Variants in ANK2 observed in about 807,000 individuals in gnomAD.
ANK2 encodes the protein ankyrin-2.
In ANK2, 83 loss-of-function variants were observed where a neutral mutation model predicts 360.5. The observed-to-expected ratio is 0.23, with a 90% CI of 0.19 to 0.28. The LOEUF is 0.28. Ranked by LOEUF, ANK2 falls within the 10% of genes least tolerant of loss-of-function variation. ANK2 has a pLI of 1.00. For missense variants in ANK2, 4,201 were observed against 4,795.7 expected (o/e 0.88, Z 3.66); for synonymous variants, 1,740 against 1,759.5 (o/e 0.99, Z 0.28).
At chr4:113,059,292 G>C (rs1425912598) in intron 1 of ANK2, among the ~76,000 whole-genome samples, 1 of 152,116 alleles carries the variant, frequency 6.6e-6, no homozygotes, top group Non-Finnish European at 1.5e-5. Context: ...AGTATTTTCT[G>C]TAAAGTTGAC....
chr4:112,914,043 G>T (rs946512385), intron 2 of ANK2, among the ~76,000 whole-genome samples: 3 of 151,956 alleles, frequency 2.0e-5, no homozygotes, highest in Admixed American at 2.0e-4. Flanking sequence ...TTTCTTTTCA[G>T]GTAGATTTTT....
chr4:113,151,352 T>C (rs1361439211), intron 1 of ANK2: 2 of 321,264 alleles, frequency 6.2e-6, no homozygotes, highest in Non-Finnish European at 1.2e-5. Context: ...CAAGAAGCAT[T>C]GCACCAGCAT....
chr4:112,870,344 G>A (rs952605755), intron 1 of ANK2, among the ~76,000 whole-genome samples: 6 of 152,308 alleles, frequency 3.9e-5, no homozygotes, highest in Admixed American at 2.6e-4. Context: ...TACAATGCTT[G>A]CACCTTTGGT....
chr4:113,318,131 G>C (rs1311627895), intron 25 of ANK2, among the ~76,000 whole-genome samples: 3 of 152,128 alleles, frequency 2.0e-5, no homozygotes, highest in Admixed American at 2.0e-4. Flanking sequence ...TGCATTTAAG[G>C]TATAAGATGA....
Position 113,357,701 on chromosome 4 carries a change from A to G in ANK2, c.9083A>G (p.Glu3028Gly). ...TCCGCTACAACAACAGTTGTTGGTG[A>G]ACAAATAAGCAAAGTCATCATCACA... ...TMSATTTVVGEQISKVIITKT... is the reference protein window; with the variant it reads ...TMSATTTVVGGQISKVIITKT... The change falls in exon 38 of 46, where the codon GAA (glutamate) becomes GGA (glycine). Residue 3028 changes from glutamate (E) to glycine (G), a missense_variant. Around this residue, in one of 4 missense-constraint regions of ANK2, gnomAD observed 2,642 missense variants for 2,714.5 expected, o/e 0.97. Transcript: ENST00000357077. 6.2e-7 allele frequency: 1 copy of G among 1,614,130 alleles called. No homozygotes were observed. Among genetic ancestry groups the G allele is most frequent in the Non-Finnish European group, 8.5e-7 (1 of 1,179,990 alleles).
intron 9 of ANK2, among the ~76,000 whole-genome samples, chr4:113,248,177 A>T (rs1286845581): frequency 6.6e-6 from 1 of 152,216 alleles, no homozygotes; most frequent in Non-Finnish European, 1.5e-5. Flanking sequence ...TTATCAGTCA[A>T]GGTCCTAGCC....
chr4:113,359,744 A>G (rs973962236), intron 38 of ANK2, among the ~76,000 whole-genome samples: 18 of 152,174 alleles, frequency 1.2e-4, no homozygotes, highest in African/African-American at 3.6e-4. Flanking sequence ...TTTTGTAATC[A>G]TTAGGAAGCC....
chr4:113,274,102 T>C (rs941326452), intron 14 of ANK2, among the ~76,000 whole-genome samples: 11 of 152,192 alleles, frequency 7.2e-5, no homozygotes, highest in African/African-American at 2.7e-4. Flanking sequence ...GATGAGAATA[T>C]AGGTCCTAGG....
intron 1 of ANK2, among the ~76,000 whole-genome samples, chr4:113,171,541 CA>C (rs1341338098): frequency 6.6e-6 from 1 of 152,004 alleles, no homozygotes; most frequent in Non-Finnish European, 1.5e-5. Flanking sequence ...TGGGGGAAAC[CA>C]AATCCCTTAA....
intron 35 of ANK2, 142 bp downstream of exon 35, chr4:113,346,164 A>T: frequency 3.0e-6 from 3 of 986,412 alleles, no homozygotes; most frequent in Non-Finnish European, 4.6e-6. Flanking sequence ...ACAAAGACTG[A>T]TTGAAAGCAT....
chr4:112,931,243 A>C (rs1267848506), intron 2 of ANK2, among the ~76,000 whole-genome samples: 2 of 152,100 alleles, frequency 1.3e-5, no homozygotes, highest in Non-Finnish European at 2.9e-5. Context: ...AGGGCCGTGG[A>C]GACCGGAGTC....
Position 113,100,081 on chromosome 4 carries a change from C to G in ANK2, c.84+50269C>G, listed in dbSNP as rs570428034. Among the ~76,000 whole-genome samples, 11 of 151,992 alleles carry G rather than the reference C, an allele frequency of 7.2e-5. No individual in the cohort carries two copies. In the East Asian group the frequency reaches 2.1e-3, roughly 29 times the overall value. On this transcript the variant is annotated intron_variant, in intron 1 of 45. Coordinates refer to ENST00000357077, the MANE Select transcript of ANK2 (RefSeq NM_001148.6). Reference sequence around the variant, plus strand: ...GGGTTTGATGATGAGTTTTTAGATACAGTACCAAAAGGATGATTCAGGAAA... The same window carrying G: ...GGGTTTGATGATGAGTTTTTAGATAGAGTACCAAAAGGATGATTCAGGAAA...
chr4:113,077,791 G>T (rs1381844414), intron 1 of ANK2, among the ~76,000 whole-genome samples: 1 of 152,206 alleles, frequency 6.6e-6, no homozygotes, highest in African/African-American at 2.4e-5. Flanking sequence ...CCAGCAGCTG[G>T]CCTCCATGCT....
chr4:113,104,630 G>A (rs762462574), intron 1 of ANK2, among the ~76,000 whole-genome samples: 32 of 152,118 alleles, frequency 2.1e-4, no homozygotes, highest in Non-Finnish European at 4.0e-4. Flanking sequence ...CACGAGAATC[G>A]CTTGAACCCA....
intron 2 of ANK2, among the ~76,000 whole-genome samples, chr4:112,972,810 A>G (rs1013586068): frequency 4.6e-5 from 7 of 152,280 alleles, no homozygotes; most frequent in Admixed American, 1.3e-4. Context: ...AAAACATGGT[A>G]TATATATACC....
chr4:113,146,069 A>G (rs1279812121), intron 1 of ANK2: 3 of 1,279,164 alleles, frequency 2.3e-6, no homozygotes, highest in African/African-American at 3.0e-5. Context: ...AGTAGACCTC[A>G]TTGGTCAGAC....
chr4:112,734,077 CAG>C, the ANK2 span, among the ~76,000 whole-genome samples: 1 of 152,190 alleles, frequency 6.6e-6, no homozygotes, highest in Middle Eastern at 3.4e-3. Context: ...ATCCAGCTAA[CAG>C]AGATTACTTA....
At chr4:113,287,751 T>C (rs868076727) in intron 19 of ANK2, 48 bp downstream of exon 19, 1 of 1,491,730 alleles carries the variant, frequency 6.7e-7, no homozygotes, top group Middle Eastern at 1.7e-4. Flanking sequence ...GCTGGGATGA[T>C]TCCCAGTAGC....
At chr4:112,819,640 C>T (rs2056415214) in intron 1 of ANK2, among the ~76,000 whole-genome samples, 1 of 152,166 alleles carries the variant, frequency 6.6e-6, no homozygotes, top group South Asian at 2.1e-4. Flanking sequence ...TTCTATTCCA[C>T]TGAACTGCAT....
Sources: gnomAD v4.1 joint callset for allele counts (sites outside exome capture counted in the v4.1 genomes callset) on GRCh38, gnomAD v4.1.1 for gene constraint, gnomAD v4.1.1 regional missense constraint, MANE v1.5 for transcripts, NCBI Gene and HGNC (gene_info 2026-07-23, HGNC 2026-07-21) for gene names.